SMURF1: variants seen among roughly 807,000 people sequenced by gnomAD.
SMURF1 encodes the protein SMAD specific E3 ubiquitin protein ligase 1, also known as E3 ubiquitin-protein ligase SMURF1.
SMURF1 carries 44 observed loss-of-function variants against 98.0 expected under a neutral mutation model. The ratio of observed to expected loss-of-function variants is 0.45; its 90% CI spans 0.35 to 0.58. The LOEUF is 0.58. Ranked by LOEUF, SMURF1 falls within the 20% of genes least tolerant of loss-of-function variation. The pLI, the probability that SMURF1 is intolerant of heterozygous loss-of-function variation, is 0.00. For synonymous variants in SMURF1, 396 were observed against 374.9 expected (o/e 1.06, Z -0.65); for missense variants, 687 against 938.4 (o/e 0.73, Z 3.50).
At position 99,063,215 on chromosome 7, in the gene SMURF1, GATATAT is replaced by G. The variant is rs551640781; in HGVS notation, c.56-1384_56-1379del. Among the ~76,000 whole-genome samples, 9 of 93,830 alleles carry G rather than the reference GATATAT, an allele frequency of 9.6e-5. No homozygotes were observed. In the South Asian group the frequency reaches 2.5e-3, roughly 26 times the overall value. The allele number at this position is 93,830 out of a possible 152,430, so 61.6% of individuals were successfully genotyped here. On this transcript the variant is annotated intron_variant, in intron 1 of 17. Coordinates refer to ENST00000361368, the MANE Select transcript of SMURF1 (RefSeq NM_181349.3). Reference sequence around the variant, plus strand: ...AAGATATATATATTTATATAGTCAAGATATATATATATATATAAGATTTATTTATAT... The same window carrying G: ...AAGATATATATATTTATATAGTCAAGATATATATATAAGATTTATTTATAT...
At chr7:99,047,993 G>A in intron 9 of SMURF1, 111 bp from the exon 10 acceptor site, 3 of 1,018,194 alleles carry the variant, frequency 2.9e-6, no homozygotes, top group Admixed American at 2.0e-5. Flanking sequence ...ACAACTTCAG[G>A]GAGAATTTGT....
intron 8 of SMURF1, chr7:99,050,801 C>G: frequency 2.6e-6 from 2 of 781,374 alleles, no homozygotes; most frequent in Non-Finnish European, 4.0e-6. Flanking sequence ...TAAAAAGGAA[C>G]TAAATATTAC....
chr7:99,050,062 T>C (rs144185851), intron 8 of SMURF1: 6,066 of 164,728 alleles, frequency 0.037, 143 homozygotes, highest in South Asian at 0.058. Context: ...CAAAAATTAG[T>C]TGGGTGTGGT....
At chr7:99,033,787 C>T (rs1242210086) in intron 16 of SMURF1, among the ~76,000 whole-genome samples, 2 of 152,226 alleles carry the variant, frequency 1.3e-5, no homozygotes, top group Non-Finnish European at 2.9e-5. Context: ...GGAGAGGCAC[C>T]AGGCCCCTTC....
At chr7:99,049,787 A>G in intron 8 of SMURF1, 78 bp from the exon 9 acceptor site, 1 of 1,422,698 alleles carries the variant, frequency 7.0e-7, no homozygotes, top group South Asian at 1.3e-5. Flanking sequence ...AACAGAAGCC[A>G]CAGAGGTTCC....
intron 3 of SMURF1, 70 bp downstream of exon 3, chr7:99,060,529 T>G (rs1796007742): frequency 9.7e-7 from 1 of 1,032,240 alleles, no homozygotes; most frequent in Admixed American, 2.5e-5. Context: ...TTCTCTTGGA[T>G]GTTTCTCGTA....
At chr7:99,090,951 C>T (rs889371273) in intron 1 of SMURF1, among the ~76,000 whole-genome samples, 4 of 152,180 alleles carry the variant, frequency 2.6e-5, no homozygotes, top group Non-Finnish European at 5.9e-5. Context: ...GGTTGGCAAG[C>T]TACTGCCTGT....
At chr7:99,134,038 C>A (rs552746125) in intron 1 of SMURF1, among the ~76,000 whole-genome samples, 1 of 150,552 alleles carries the variant, frequency 6.6e-6, no homozygotes, top group African/African-American at 2.4e-5. Flanking sequence ...TAGGGACATT[C>A]CAAGCACCAG....
At position 99,029,504 on chromosome 7, in the gene SMURF1, C is replaced by T. The variant is rs1156691154; in HGVS notation, c.*1080G>A. ...ATGAGGCAGTGAGTGTGAAGTCGTC[C>T]CCCTCTGCTGTCACAGGTTTGCGTC... is the stretch of plus-strand genomic sequence containing the variant. On this transcript the variant is annotated 3_prime_UTR_variant, in exon 18 of 18. Transcript: ENST00000361368. 6.6e-6 allele frequency: 1 copy of T among 152,152 alleles called. No individual in the cohort carries two copies. Among genetic ancestry groups the T allele is most frequent in the African/African-American group, 2.4e-5 (1 of 41,436 alleles). 9.4% of individuals were successfully genotyped at this position (152,152 alleles called of 1,614,324 possible).
intron 1 of SMURF1, among the ~76,000 whole-genome samples, chr7:99,116,175 G>GTATC (rs1797445812): frequency 6.6e-6 from 1 of 152,084 alleles, no homozygotes; most frequent in African/African-American, 2.4e-5. Flanking sequence ...GAATAAAGGG[G>GTATC]GAAAACCACA....
chr7:99,129,645 A>T (rs371607081), intron 1 of SMURF1, among the ~76,000 whole-genome samples: 13 of 151,908 alleles, frequency 8.6e-5, no homozygotes, highest in African/African-American at 3.1e-4. Flanking sequence ...TTCCACCTCA[A>T]CCTCCCCAAA....
chr7:99,132,758 G>A (rs1797900084), intron 1 of SMURF1, among the ~76,000 whole-genome samples: 1 of 151,070 alleles, frequency 6.6e-6, no homozygotes, highest in African/African-American at 2.4e-5. Flanking sequence ...CCCTTAAGCA[G>A]GATTAAACTC....
chr7:99,075,370 C>T (rs887118692), intron 1 of SMURF1, among the ~76,000 whole-genome samples: 2 of 152,214 alleles, frequency 1.3e-5, no homozygotes, highest in Non-Finnish European at 2.9e-5. Context: ...GATCTGCCTG[C>T]TTCAGCCTCC....
At chr7:99,079,826 T>G (rs1796543597) in intron 1 of SMURF1, among the ~76,000 whole-genome samples, 1 of 152,142 alleles carries the variant, frequency 6.6e-6, no homozygotes, top group African/African-American at 2.4e-5. Flanking sequence ...GCAGACTTAT[T>G]CATTCACTAG....
intron 1 of SMURF1, among the ~76,000 whole-genome samples, chr7:99,101,015 T>G (rs1323075466): frequency 1.3e-5 from 2 of 152,238 alleles, no homozygotes; most frequent in Non-Finnish European, 2.9e-5. Flanking sequence ...AATTTTTAAA[T>G]GCATTCGATA....
chr7:99,125,650 C>G (rs1797728643), intron 1 of SMURF1, among the ~76,000 whole-genome samples: 8 of 152,166 alleles, frequency 5.3e-5, no homozygotes, highest in Admixed American at 4.6e-4. Context: ...ACCCGTGCAC[C>G]CTGCTGGCAC....
rs959189637 is a variant in SMURF1 at position 99,028,341 on chromosome 7, G to A, written c.*2243C>T. The A allele has an allele frequency of 5.9e-5, 9 of 152,226 alleles. No individual in the cohort carries two copies. The highest frequency in any genetic ancestry group is 1.7e-4 in the African/African-American group (7 of 41,428). The allele number at this position is 152,226 out of a possible 1,614,324, so 9.4% of individuals were successfully genotyped here. A position where few individuals can be genotyped will look rare whatever the true frequency, so the allele number is the denominator to read the frequency against. ...GAGGCCTGTTTGGAAAGAGTGAACC[G>A]GAGCTCTGGAAAGGTCTGCGACACT... is the stretch of plus-strand genomic sequence containing the variant. On this transcript the variant is annotated 3_prime_UTR_variant, in exon 18 of 18. Coordinates refer to ENST00000361368, the MANE Select transcript of SMURF1 (RefSeq NM_181349.3).
At chr7:99,074,714 A>G (rs897337296) in intron 1 of SMURF1, among the ~76,000 whole-genome samples, 2 of 152,164 alleles carry the variant, frequency 1.3e-5, no homozygotes, top group African/African-American at 2.4e-5. Context: ...TCAATTTAAA[A>G]AAAAAACCCA....
chr7:99,067,124 T>C (rs190734584), intron 1 of SMURF1, among the ~76,000 whole-genome samples: 6 of 151,684 alleles, frequency 4.0e-5, no homozygotes, highest in South Asian at 4.2e-4. Flanking sequence ...GCTTCCTGAG[T>C]AGCTGGGATT....
Sources: allele counts gnomAD v4.1 joint callset (sites outside exome capture counted in the v4.1 genomes callset), GRCh38; gene constraint gnomAD v4.1.1; transcripts MANE v1.5; gene names NCBI Gene and HGNC (gene_info 2026-07-23, HGNC 2026-07-21).